The following POLE2 variants were observed in gnomAD, a reference collection of about 807,000 sequenced individuals.
The protein encoded by POLE2 is DNA polymerase epsilon subunit 2.
POLE2 carries 56 observed loss-of-function variants against 79.4 expected under a neutral mutation model. That is an observed-to-expected ratio of 0.71 (90% CI 0.57 to 0.88). The LOEUF (loss-of-function observed/expected upper bound fraction) is 0.88. POLE2 is among the 40% of genes least tolerant of loss of function. The pLI, the probability that POLE2 is intolerant of heterozygous loss-of-function variation, is 0.00. For synonymous variants in POLE2, 212 were observed against 214.0 expected (o/e 0.99, Z 0.08); for missense variants, 598 against 638.9 (o/e 0.94, Z 0.69).
intron 1 of POLE2, among the ~76,000 whole-genome samples, chr14:49,687,811 T>C (rs557449632): frequency 8.6e-5 from 13 of 152,006 alleles, no homozygotes; most frequent in Non-Finnish European, 1.8e-4. Context: ...GCGATTCTCC[T>C]GCCTCAGCCT....
chr14:49,655,990 T>C (rs1884635195), intron 10 of POLE2, 147 bp from the exon 11 acceptor site: 1 of 539,342 alleles, frequency 1.9e-6, no homozygotes, highest in Admixed American at 3.7e-5. Context: ...ACAAAGGTTA[T>C]CTAAATATTC....
At position 49,654,818 on chromosome 14, in the gene POLE2, C is replaced by A; in HGVS notation, c.1039G>T (p.Asp347Tyr). 6.7e-7 allele frequency: 1 copy of A among 1,486,388 alleles called. No individual in the cohort carries two copies. The highest frequency in any genetic ancestry group is 8.9e-7 in the Non-Finnish European group (1 of 1,121,948). 92.1% of individuals were successfully genotyped at this position (1,486,388 alleles called of 1,614,324 possible). The change falls in exon 13 of 19, where the codon GAT becomes TAT. Residue 347 changes from aspartate (D) to tyrosine (Y), a missense_variant. Transcript: ENST00000216367. Reference sequence around the variant, plus strand: ...ATATCTGGGTATTCACATATTATATCTGCCAAAGTTTTTAGGGAATCTAAA... The same window carrying A: ...ATATCTGGGTATTCACATATTATATATGCCAAAGTTTTTAGGGAATCTAAA... Reference protein sequence around the residue: ...ALKDSLKTLADIICEYPDIHQ... With the variant: ...ALKDSLKTLAYIICEYPDIHQ...
rs762910629 is a variant in POLE2 at position 49,650,275 on chromosome 14, C to G, written c.1487G>C (p.Cys496Ser). The G allele has an allele frequency of 3.8e-6, 6 of 1,590,804 alleles. No homozygotes were observed. In the African/African-American group the frequency reaches 8.1e-5, roughly 21 times the overall value. The change falls in exon 17 of 19, where the codon TGC becomes TCC. Residue 496 changes from cysteine to serine, a missense_variant. Physicochemically the swap from Cys to Ser is moderately radical, Grantham distance 112. Coordinates refer to ENST00000216367, the MANE Select transcript of POLE2 (RefSeq NM_002692.4). Reference sequence around the variant, plus strand: ...TAACTACATTCTTACAGGGTTTATGCAGAGGCATTCGGTATTTGTCGTAGT... The same window carrying G: ...TAACTACATTCTTACAGGGTTTATGGAGAGGCATTCGGTATTTGTCGTAGT... ...PFTTTNTECL[C>S]INPGSFPRSG...
chr14:49,671,398 C>G lies in POLE2; in HGVS notation c.418-1800G>C, dbSNP rs565235628. On this transcript the variant is annotated intron_variant, in intron 5 of 18. Transcript: ENST00000216367. Reference sequence around the variant, plus strand: ...CTTTGGGAGGCCGAGGCGGGTGGATCACGAGGTCAGGAGATGGAGACCATT... The same window carrying G: ...CTTTGGGAGGCCGAGGCGGGTGGATGACGAGGTCAGGAGATGGAGACCATT... Among the ~76,000 whole-genome samples the G allele has an allele frequency of 9.9e-5, 15 of 152,098 alleles. No individual in the cohort carries two copies. In the South Asian group the frequency reaches 2.3e-3, roughly 23 times the overall value.
chr14:49,669,687 TTAAAC>T (rs1168818779), intron 5 of POLE2, 89 bp from the exon 6 acceptor site: 21 of 698,494 alleles, frequency 3.0e-5, no homozygotes, highest in Non-Finnish European at 5.1e-5. Context: ...AACACTGTCC[TTAAAC>T]TAATGTCACT....
In POLE2 at chr14:49,655,654, A is replaced by C. The variant is rs750222149; in HGVS notation, c.928+17T>G. 1 of 1,579,314 alleles carries C rather than the reference A, an allele frequency of 6.3e-7. No individual in the cohort carries two copies. Among genetic ancestry groups the C allele is most frequent in the Non-Finnish European group, 8.6e-7 (1 of 1,163,816 alleles). ...CCTTAAAAGAGTTCAAGAAAGAAGAAAAAAAATAAGACCTACCAGCAAACA... is the reference window on the plus strand; with the variant it reads ...CCTTAAAAGAGTTCAAGAAAGAAGACAAAAAATAAGACCTACCAGCAAACA... On this transcript the variant is annotated intron_variant, in intron 11 of 18. Coordinates refer to ENST00000216367, the MANE Select transcript of POLE2 (RefSeq NM_002692.4).
intron 6 of POLE2, among the ~76,000 whole-genome samples, chr14:49,668,444 G>C (rs1347322882): frequency 3.4e-5 from 5 of 148,616 alleles, no homozygotes; most frequent in Admixed American, 6.8e-5. Context: ...AAGACCCCAT[G>C]TCTCTATCAA....
Position 49,650,249 on chromosome 14 carries a change from TTAAC to T in POLE2, c.1497+12_1497+15del, listed in dbSNP as rs1315699314. 1 of 1,434,472 alleles carries T rather than the reference TTAAC, an allele frequency of 7.0e-7. No homozygotes were observed. The highest frequency in any genetic ancestry group is 9.6e-7 in the Non-Finnish European group (1 of 1,045,592). The allele number at this position is 1,434,472 out of a possible 1,614,324, so 88.9% of individuals were successfully genotyped here. A position where few individuals can be genotyped will look rare whatever the true frequency, so the allele number is the denominator to read the frequency against. The stretch of plus-strand genomic sequence containing the variant: ...CTTGATAAATAATGACTATATAAGA[TTAAC>T]TACATTCTTACAGGGTTTATGCAGA... On this transcript the variant is annotated intron_variant, in intron 17 of 18. Transcript: ENST00000216367.
chr14:49,676,017 G>A (rs1449442872), intron 3 of POLE2, among the ~76,000 whole-genome samples: 1 of 152,158 alleles, frequency 6.6e-6, no homozygotes, highest in East Asian at 1.9e-4. Context: ...CTCCCAAAGT[G>A]CTGGGATTAC....
chr14:49,682,826 TAA>T (rs879436506), intron 2 of POLE2, among the ~76,000 whole-genome samples: 2 of 146,408 alleles, frequency 1.4e-5, no homozygotes. Context: ...GCCATTCTAT[TAA>T]AAAAAAAAAA....
chr14:49,668,946 G>A (rs1566554171), intron 6 of POLE2, among the ~76,000 whole-genome samples: 1 of 152,162 alleles, frequency 6.6e-6, no homozygotes, highest in African/African-American at 2.4e-5. Context: ...GACCACAGGT[G>A]CACAACATCA....
intron 15 of POLE2, among the ~76,000 whole-genome samples, chr14:49,652,148 G>A: frequency 6.6e-6 from 1 of 151,130 alleles, no homozygotes; most frequent in African/African-American, 2.4e-5. Flanking sequence ...CTTTCACACT[G>A]CGTTAAGAAT....
intron 18 of POLE2, among the ~76,000 whole-genome samples, chr14:49,645,043 C>CA (rs527251561): frequency 0.015 from 1,360 of 88,228 alleles, 47 homozygotes; most frequent in African/African-American, 0.043. Context: ...CTCCGTCTCA[C>CA]AAAAAAAAAA....
chr14:49,667,722 T>C (rs1307421985), intron 6 of POLE2, among the ~76,000 whole-genome samples: 1 of 152,074 alleles, frequency 6.6e-6, no homozygotes, highest in East Asian at 1.9e-4. Context: ...AGATAATAAC[T>C]GTTGAATAAA....
At chr14:49,686,700 G>A (rs556273194) in intron 1 of POLE2, among the ~76,000 whole-genome samples, 2 of 152,284 alleles carry the variant, frequency 1.3e-5, no homozygotes, top group South Asian at 4.1e-4. Context: ...ACGGTGCTTT[G>A]CAGCTAACAG....
At chr14:49,668,043 G>A (rs1177999507) in intron 6 of POLE2, among the ~76,000 whole-genome samples, 3 of 152,086 alleles carry the variant, frequency 2.0e-5, no homozygotes, top group Non-Finnish European at 2.9e-5. Flanking sequence ...AGGCTGAGGC[G>A]GGCGGATCAC....
In POLE2 at chr14:49,666,311, T is replaced by C. The variant is rs1594589518; in HGVS notation, c.576+19A>G. The stretch of plus-strand genomic sequence containing the variant: ...TCAATCCAAGGCCAAAAATAAAAGT[T>C]TGATGCTTATTAAGTTACCTCTTTT... On this transcript the variant is annotated intron_variant, in intron 7 of 18. Transcript: ENST00000216367. 5.2e-6 allele frequency: 7 copies of C among 1,358,802 alleles called. No individual in the cohort carries two copies. The East Asian group carries it at 1.2e-4, about 24-fold the overall frequency. The allele number at this position is 1,358,802 out of a possible 1,614,324, so 84.2% of individuals were successfully genotyped here.
chr14:49,685,755 G>T (rs1329667328), intron 1 of POLE2, among the ~76,000 whole-genome samples: 1 of 151,380 alleles, frequency 6.6e-6, no homozygotes. Context: ...AGTAGCTGGG[G>T]TTACAGGTGC....
chr14:49,688,152 C>G lies in POLE2; in HGVS notation c.52G>C (p.Gly18Arg). 6.4e-7 allele frequency: 1 copy of G among 1,557,196 alleles called. No individual in the cohort carries two copies. Among genetic ancestry groups the G allele is most frequent in the Non-Finnish European group, 8.7e-7 (1 of 1,152,858 alleles). ...CCCACTCACCCACGGAGCAGCAAGC[C>G]CCGCAACTTGAAGGCGGAGAGCGCC... is the stretch of plus-strand genomic sequence containing the variant. ...SRALSAFKLRGLLLRGEAIKY... is the reference protein window; with the variant it reads ...SRALSAFKLRRLLLRGEAIKY... Residue 18 changes from glycine to arginine, a missense_variant, in exon 1 of 19, where the codon GGC (glycine) becomes CGC (arginine). By Grantham distance (125) the Gly-to-Arg change is moderately radical. Coordinates refer to ENST00000216367, the MANE Select transcript of POLE2 (RefSeq NM_002692.4).
Sources: gnomAD v4.1 joint callset for allele counts (sites outside exome capture counted in the v4.1 genomes callset) on GRCh38, gnomAD v4.1.1 for gene constraint, MANE v1.5 for transcripts, NCBI Gene and HGNC (gene_info 2026-07-23, HGNC 2026-07-21) for gene names.